The following PREX2 variants were observed in gnomAD, a reference collection of about 807,000 sequenced individuals.
PREX2 encodes the protein phosphatidylinositol-3,4,5-trisphosphate dependent Rac exchange factor 2.
In PREX2, 107 loss-of-function variants were observed where a neutral mutation model predicts 203.2. The ratio of observed to expected loss-of-function variants is 0.53; its 90% CI spans 0.45 to 0.62. PREX2 has a LOEUF of 0.62. PREX2 is among the 20% of genes least tolerant of loss of function. The pLI is 0.00. For missense variants in PREX2, 1,777 were observed against 1,955.9 expected (o/e 0.91, Z 1.72); for synonymous variants, 672 against 663.6 (o/e 1.01, Z -0.19).
At chr8:68,101,378 T>C (rs1201328676) in intron 23 of PREX2, 1 of 518,924 alleles carries the variant, frequency 1.9e-6, no homozygotes, top group Admixed American at 1.9e-5. Flanking sequence ...TTTGCATTAC[T>C]ATTGTATCTT....
At chr8:68,133,766 C>A (rs565795517) in intron 31 of PREX2, among the ~76,000 whole-genome samples, 146 of 152,134 alleles carry the variant, frequency 9.6e-4, no homozygotes, top group African/African-American at 3.3e-3. Context: ...ATAAATGAAG[C>A]CTTATTTTTC....
intron 37 of PREX2, among the ~76,000 whole-genome samples, chr8:68,197,739 T>C (rs1812426443): frequency 6.7e-6 from 1 of 148,412 alleles, no homozygotes; most frequent in South Asian, 2.1e-4. Context: ...ATACATAATA[T>C]ATATGCTATA....
At chr8:68,208,523 T>C (rs1812684072) in intron 37 of PREX2, among the ~76,000 whole-genome samples, 1 of 152,176 alleles carries the variant, frequency 6.6e-6, no homozygotes, top group Admixed American at 6.5e-5. Context: ...ACTTCTCTCT[T>C]ATCAGGTTCA....
chr8:68,116,277 T>G (rs544384969), intron 26 of PREX2, among the ~76,000 whole-genome samples: 1 of 152,344 alleles, frequency 6.6e-6, no homozygotes, highest in African/African-American at 2.4e-5. Flanking sequence ...TTTCTGTCAC[T>G]GGTTTATTGG....
intron 5 of PREX2, 111 bp downstream of exon 5, chr8:68,027,434 C>A (rs1807760607): frequency 2.8e-6 from 2 of 709,746 alleles, no homozygotes; most frequent in Non-Finnish European, 2.4e-6. Flanking sequence ...GAAGCGTAGA[C>A]CATAAGTATT....
At chr8:68,199,577 A>T (rs1812463684) in intron 37 of PREX2, among the ~76,000 whole-genome samples, 1 of 152,236 alleles carries the variant, frequency 6.6e-6, no homozygotes, top group Admixed American at 6.5e-5. Flanking sequence ...AAGGGAAAAT[A>T]TAAAAACAAC....
At chr8:68,102,554 T>C (rs1009720419) in intron 23 of PREX2, among the ~76,000 whole-genome samples, 12 of 152,204 alleles carry the variant, frequency 7.9e-5, no homozygotes, top group African/African-American at 2.9e-4. Context: ...ACAGAACCCA[T>C]AGCATTTGCG....
intron 22 of PREX2, among the ~76,000 whole-genome samples, chr8:68,098,022 G>T (rs958857125): frequency 3.9e-5 from 6 of 152,170 alleles, no homozygotes; most frequent in Non-Finnish European, 8.8e-5. Flanking sequence ...CATCACCTTT[G>T]CAGAGGTCTT....
chr8:68,155,847 A>C (rs1008806447), intron 34 of PREX2, among the ~76,000 whole-genome samples: 1 of 152,220 alleles, frequency 6.6e-6, no homozygotes, highest in East Asian at 1.9e-4. Flanking sequence ...TGAATCAAAA[A>C]TGTTATTAAA....
chr8:68,020,908 T>C lies in PREX2; in HGVS notation c.337-1128T>C, dbSNP rs191770096. Among the ~76,000 whole-genome samples, 7 of 152,346 alleles carry C rather than the reference T, an allele frequency of 4.6e-5. No individual in the cohort carries two copies. In the East Asian group the frequency reaches 1.3e-3, roughly 29 times the overall value. On this transcript the variant is annotated intron_variant, in intron 3 of 39. Coordinates refer to ENST00000288368, the MANE Select transcript of PREX2 (RefSeq NM_024870.4). Reference sequence around the variant, plus strand: ...TATTTTTTTTCTGGCTCATATCATTTCTTGAGATAAGTGATTCAATACATT... The same window carrying C: ...TATTTTTTTTCTGGCTCATATCATTCCTTGAGATAAGTGATTCAATACATT...
At chr8:68,171,959 C>T (rs1213383455) in intron 35 of PREX2, among the ~76,000 whole-genome samples, 2 of 152,102 alleles carry the variant, frequency 1.3e-5, no homozygotes, top group Non-Finnish European at 2.9e-5. Flanking sequence ...AGAAACATTC[C>T]AGATGCATAT....
chr8:68,226,248 A>G (rs1813054899), intron 39 of PREX2, among the ~76,000 whole-genome samples: 1 of 152,192 alleles, frequency 6.6e-6, no homozygotes, highest in South Asian at 2.1e-4. Context: ...CCCCAAGGAG[A>G]GTATAAACCT....
At position 68,060,701 on chromosome 8, in the gene PREX2, G is replaced by C. The variant is rs764135902; in HGVS notation, c.1261G>C (p.Glu421Gln). The change falls in exon 11 of 40, where the codon GAA (glutamate) becomes CAA (glutamine). Residue 421 changes from glutamate (E) to glutamine (Q), a missense_variant. Transcript: ENST00000288368. ...LGSEFVSWLL[E>Q]IGEIHRPEEG... ...CAGCGAATTTGTGTCATGGCTGTTG[G>C]AAATTGGAGAGATTCACAGGCCTGA... 3 of 1,611,272 alleles carry C rather than the reference G, an allele frequency of 1.9e-6. No individual in the cohort carries two copies. In the Admixed American group the frequency reaches 5.1e-5, roughly 27 times the overall value.
At chr8:67,971,739 G>A (rs545224532) in intron 1 of PREX2, among the ~76,000 whole-genome samples, 2 of 152,292 alleles carry the variant, frequency 1.3e-5, no homozygotes, top group East Asian at 1.9e-4. Context: ...AATACTGTTA[G>A]TGGAAAAGAT....
At chr8:68,120,873 G>A (rs1354651185) in intron 29 of PREX2, 48 bp from the exon 30 acceptor site, 3 of 1,567,498 alleles carry the variant, frequency 1.9e-6, no homozygotes, top group Non-Finnish European at 2.6e-6. Context: ...AGGCTTCATT[G>A]TTTAGGAATT....
intron 4 of PREX2, among the ~76,000 whole-genome samples, chr8:68,026,514 CT>C (rs575771378): frequency 6.6e-5 from 10 of 151,054 alleles, no homozygotes; most frequent in East Asian, 3.9e-4. Flanking sequence ...AAGGTAAAGG[CT>C]TTTTTTTTAT....
At chr8:68,229,419 A>G (rs1813122680) in intron 39 of PREX2, among the ~76,000 whole-genome samples, 1 of 152,192 alleles carries the variant, frequency 6.6e-6, no homozygotes, top group Non-Finnish European at 1.5e-5. Flanking sequence ...TCCAACTCTT[A>G]TCTATTACAT....
chr8:68,070,077 C>T (rs984260882), intron 13 of PREX2, among the ~76,000 whole-genome samples, 193 bp downstream of exon 13: 2 of 151,168 alleles, frequency 1.3e-5, no homozygotes, highest in African/African-American at 2.4e-5. Context: ...TAGTGTTTTC[C>T]ACTCTTTATT....
At chr8:68,030,890 C>T (rs1807863576) in intron 6 of PREX2, among the ~76,000 whole-genome samples, 1 of 152,048 alleles carries the variant, frequency 6.6e-6, no homozygotes, top group South Asian at 2.1e-4. Context: ...CCAATAGATA[C>T]TATGTGGGCT....
Sources: allele counts gnomAD v4.1 joint callset (sites outside exome capture counted in the v4.1 genomes callset), GRCh38; gene constraint gnomAD v4.1.1; transcripts MANE v1.5; gene names NCBI Gene and HGNC (gene_info 2026-07-23, HGNC 2026-07-21).